TPR: variants seen among roughly 807,000 people sequenced by gnomAD.
TPR encodes the protein translocated promoter region, nuclear basket protein.
In TPR, 51 loss-of-function variants were observed where a neutral mutation model predicts 316.1. The ratio of observed to expected loss-of-function variants is 0.16; its 90% CI spans 0.13 to 0.20. The LOEUF is 0.20. TPR is among the 10% of genes least tolerant of loss of function. The pLI is 1.00. For synonymous variants in TPR, 981 were observed against 914.7 expected (o/e 1.07, Z -1.31); for missense variants, 2,272 against 2,754.8 (o/e 0.82, Z 3.92).
rs1315405797 is a variant in TPR, at chr1:186,339,637, T to C, written c.4151+5A>G. On this transcript the variant is annotated splice_donor_5th_base_variant and intron_variant, in intron 30 of 50. Transcript: ENST00000367478. ...ATATATGATTTAAGGCTTCTTTCCATATACCTTGCAATTTCAGCTTTAAGT... is the reference window on the plus strand; with the variant it reads ...ATATATGATTTAAGGCTTCTTTCCACATACCTTGCAATTTCAGCTTTAAGT... 5 of 1,572,028 alleles carry C rather than the reference T, an allele frequency of 3.2e-6. No homozygotes were observed. Among genetic ancestry groups the C allele is most frequent in the African/African-American group, 1.4e-5 (1 of 72,654 alleles).
At chr1:186,339,951 T>C (rs1212227216) in intron 29 of TPR, among the ~76,000 whole-genome samples, 179 bp from the exon 30 acceptor site, 1 of 152,116 alleles carries the variant, frequency 6.6e-6, no homozygotes, top group Non-Finnish European at 1.5e-5. Flanking sequence ...CTAAGAAGTC[T>C]ACCCACAATA....
chr1:186,318,653 C>T, intron 47 of TPR, 50 bp from the exon 48 acceptor site: 1 of 1,604,182 alleles, frequency 6.2e-7, no homozygotes, highest in Non-Finnish European at 8.5e-7. Flanking sequence ...TGTGGTTTAT[C>T]ACATTTTTAG....
At chr1:186,355,156 C>T (rs985265985) in intron 17 of TPR, among the ~76,000 whole-genome samples, 6 of 152,080 alleles carry the variant, frequency 3.9e-5, no homozygotes, top group Non-Finnish European at 8.8e-5. Context: ...CCACCTGCCT[C>T]GGCTTCCCAA....
chr1:186,353,347 G>C (rs905092366), intron 18 of TPR, among the ~76,000 whole-genome samples: 3 of 151,756 alleles, frequency 2.0e-5, no homozygotes, highest in African/African-American at 7.3e-5. Flanking sequence ...ACTCCAGCCT[G>C]GGCGACAGAG....
intron 33 of TPR, among the ~76,000 whole-genome samples, chr1:186,336,175 TC>T (rs549066929): frequency 4.0e-4 from 61 of 152,102 alleles, no homozygotes; most frequent in Non-Finnish European, 6.2e-4. Context: ...ACATAAGGTT[TC>T]TAGACAGCAC....
At chr1:186,315,340 G>A (rs1657578107) in intron 49 of TPR, among the ~76,000 whole-genome samples, 1 of 151,680 alleles carries the variant, frequency 6.6e-6, no homozygotes, top group Non-Finnish European at 1.5e-5. Flanking sequence ...ATACTGCCAG[G>A]TGCTGAGAAA....
chr1:186,317,840 C>T (rs1307664353), intron 48 of TPR, among the ~76,000 whole-genome samples: 1 of 152,112 alleles, frequency 6.6e-6, no homozygotes, highest in Non-Finnish European at 1.5e-5. Flanking sequence ...TTATGATTTT[C>T]CTCTTCTTAT....
Position 186,323,765 on chromosome 1 carries a change from G to T in TPR, c.6218C>A (p.Ser2073Ter). ...SERQAPRAPQ[S>*]PRRPPHPLPP... Reference sequence around the variant, plus strand: ...AAGTGGATGTGGTGGGCGTCTCGGTGACTGAGGTGCTCGAGGGGCCTGTCT... The same window carrying T: ...AAGTGGATGTGGTGGGCGTCTCGGTTACTGAGGTGCTCGAGGGGCCTGTCT... The change falls in exon 43 of 51, where the codon TCA becomes TAA. Residue 2073 changes from serine (S) to a stop codon, truncating the protein, a stop_gained. Transcript: ENST00000367478. LOFTEE classifies it high-confidence loss of function. 1 of 1,542,098 alleles carries T rather than the reference G, an allele frequency of 6.5e-7. No homozygotes were observed. Among genetic ancestry groups the T allele is most frequent in the African/African-American group, 1.4e-5 (1 of 69,332 alleles).
At chr1:186,369,734 C>T (rs894685077) in intron 3 of TPR, among the ~76,000 whole-genome samples, 1 of 151,826 alleles carries the variant, frequency 6.6e-6, no homozygotes, top group Non-Finnish European at 1.5e-5. Context: ...ATTTTATTTC[C>T]TTTTCTTGTC....
intron 2 of TPR, among the ~76,000 whole-genome samples, chr1:186,372,357 C>A (rs373027422): frequency 6.6e-6 from 1 of 152,192 alleles, no homozygotes; most frequent in South Asian, 2.1e-4. Flanking sequence ...GCCTGGCCAA[C>A]ATGGCGAACC....
chr1:186,371,124 C>T lies in TPR; in HGVS notation c.257-81G>A, dbSNP rs1031104293. On this transcript the variant is annotated intron_variant, in intron 2 of 50. Transcript: ENST00000367478. ...TGTTTTTATGCAACTGCCAACCTTA[C>T]ATATTTTAATAAATGAAAAAACAGA... 3.9e-6 allele frequency: 4 copies of T among 1,038,896 alleles called. No individual in the cohort carries two copies. In the African/African-American group the frequency reaches 4.8e-5, roughly 12 times the overall value. 64.4% of individuals were successfully genotyped at this position (1,038,896 alleles called of 1,614,324 possible). A position where few individuals can be genotyped will look rare whatever the true frequency, so the allele number is the denominator to read the frequency against.
chr1:186,352,198 C>T, intron 18 of TPR, 88 bp from the exon 19 acceptor site: 3 of 1,286,078 alleles, frequency 2.3e-6, no homozygotes, highest in South Asian at 1.8e-5. Context: ...ATTCATACAT[C>T]ACTACTTTTT....
intron 20 of TPR, 39 bp from the exon 21 acceptor site, chr1:186,350,427 CTAAG>C (rs1386391171): frequency 7.1e-7 from 1 of 1,404,944 alleles, no homozygotes; most frequent in Non-Finnish European, 9.6e-7. Context: ...CTTTAGGTTC[CTAAG>C]TAACTAAAGG....
Position 186,320,342 on chromosome 1 carries a change from A to C in TPR, c.6538T>G (p.Ser2180Ala). 6.2e-7 allele frequency: 1 copy of C among 1,612,560 alleles called. No individual in the cohort carries two copies. Among genetic ancestry groups the C allele is most frequent in the Non-Finnish European group, 8.5e-7 (1 of 1,179,046 alleles). The change falls in exon 46 of 51, where the codon TCT becomes GCT. Residue 2180 changes from serine (S) to alanine (A), a missense_variant. By Grantham distance (99) the Ser-to-Ala change is moderately conservative. This residue lies in a region of TPR where 88 missense variants were observed against 176.2 expected (regional missense o/e 0.50). Coordinates refer to ENST00000367478, the MANE Select transcript of TPR (RefSeq NM_003292.3). Reference sequence around the variant, plus strand: ...TGAGAAGCAAGCTGGCCAAGATCAGAGTGACTAGAACTTGTTTGTGGCATA... The same window carrying C: ...TGAGAAGCAAGCTGGCCAAGATCAGCGTGACTAGAACTTGTTTGTGGCATA... ...EDMPQTSSSH[S>A]DLGQLASQGG...
chr1:186,311,672 T>C lies in TPR; in HGVS notation c.*2299A>G. The C allele has an allele frequency of 7.0e-7, 1 of 1,437,306 alleles. No homozygotes were observed. Among genetic ancestry groups the C allele is most frequent in the Non-Finnish European group, 9.8e-7 (1 of 1,024,260 alleles). 89.0% of individuals were successfully genotyped at this position (1,437,306 alleles called of 1,614,324 possible). On this transcript the variant is annotated 3_prime_UTR_variant, in exon 51 of 51. Transcript: ENST00000367478. The stretch of plus-strand genomic sequence containing the variant: ...CAGCATTTTCATTTATTATTGACTT[T>C]ACTGTCAAAAGATATCTTTAATGGC...
chr1:186,323,261 T>C (rs2102053907), intron 43 of TPR, among the ~76,000 whole-genome samples: 1 of 152,140 alleles, frequency 6.6e-6, no homozygotes, highest in East Asian at 1.9e-4. Flanking sequence ...AAATATGTGA[T>C]TACCAAGAAA....
chr1:186,362,195 G>C, intron 7 of TPR, 93 bp downstream of exon 7: 1 of 1,058,092 alleles, frequency 9.5e-7, no homozygotes, highest in Non-Finnish European at 1.4e-6. Context: ...ATGGGGCCAA[G>C]GACAGATTAA....
chr1:186,362,215 T>C (rs575811670), intron 7 of TPR, 73 bp downstream of exon 7: 5 of 1,263,270 alleles, frequency 4.0e-6, no homozygotes, highest in Non-Finnish European at 5.7e-6. Flanking sequence ...AAAAATGACA[T>C]CATTTTGTGA....
At chr1:186,347,071 T>TGGACCA (rs1658704551) in intron 22 of TPR, among the ~76,000 whole-genome samples, 1 of 152,110 alleles carries the variant, frequency 6.6e-6, no homozygotes, top group Non-Finnish European at 1.5e-5. Context: ...TCCTCAACAT[T>TGGACCA]TTATCTGGAC....
Sources: allele counts gnomAD v4.1 joint callset (sites outside exome capture counted in the v4.1 genomes callset), GRCh38; gene constraint gnomAD v4.1.1; regional missense constraint gnomAD v4.1.1; transcripts MANE v1.5; gene names NCBI Gene and HGNC (gene_info 2026-07-23, HGNC 2026-07-21).